The following DEPDC4 variants were observed in gnomAD, a reference collection of about 807,000 sequenced individuals.
The protein encoded by DEPDC4 is DEP domain containing 4, also known as DEP domain-containing protein 4.
DEPDC4 carries 52 observed loss-of-function variants against 52.0 expected under a neutral mutation model. That is an observed-to-expected ratio of 1.00 (90% CI 0.80 to 1.26). The LOEUF is 1.26. DEPDC4 is among the 50% of genes most tolerant of loss of function. DEPDC4 has a pLI of 0.00. For missense variants in DEPDC4, 530 were observed against 546.9 expected, an observed-to-expected ratio of 0.97 and a Z score of 0.31; for synonymous variants, 201 against 196.8, an observed-to-expected ratio of 1.02 and a Z score of -0.18.
At chr12:100,234,947 C>G (rs1433783925) in intron 9 of DEPDC4, among the ~76,000 whole-genome samples, 1 of 152,088 alleles carries the variant, frequency 6.6e-6, no homozygotes, top group Non-Finnish European at 1.5e-5. Flanking sequence ...AAATTAATGC[C>G]TCAGAACCTT....
intron 3 of DEPDC4, among the ~76,000 whole-genome samples, chr12:100,260,900 G>A (rs1038939320): frequency 2.7e-5 from 4 of 150,200 alleles, no homozygotes; most frequent in African/African-American, 9.8e-5. Flanking sequence ...TGTCTCAATG[G>A]CCAGCCAAGG....
In DEPDC4 at chr12:100,263,510, T is replaced by C; in HGVS notation, c.541A>G (p.Asn181Asp). The change falls in exon 2 of 10, where the codon AAT (asparagine) becomes GAT (aspartate). Residue 181 changes from asparagine to aspartate, a missense_variant. Coordinates refer to ENST00000550587, the MANE Select transcript of DEPDC4 (RefSeq NM_001364818.2). ...GGTAACACTAACCTCAAGGTTTCAT[T>C]GAACTCATTCTCAGCATCCTTTTGT... is the stretch of plus-strand genomic sequence containing the variant. ...KRQKDAENEF[N>D]ETLRPGYEMI... The C allele has an allele frequency of 1.9e-6, 3 of 1,586,718 alleles. No individual in the cohort carries two copies. The highest frequency in any genetic ancestry group is 2.6e-6 in the Non-Finnish European group (3 of 1,168,750).
intron 1 of DEPDC4, among the ~76,000 whole-genome samples, chr12:100,265,830 T>G (rs1203344747): frequency 6.6e-6 from 1 of 152,136 alleles, no homozygotes; most frequent in Non-Finnish European, 1.5e-5. Context: ...TGTATGTAAA[T>G]AAATAGAAAG....
In DEPDC4 at chr12:100,263,882, G is replaced by T. The variant is rs1566328944; in HGVS notation, c.169C>A (p.Pro57Thr). ...CRKRRTGCSG[P>T]FQATQLWDGI... The stretch of plus-strand genomic sequence containing the variant: ...TCCCATAGCTGAGTAGCTTGAAAAG[G>T]ACCAGAGCATCCTGAAAAAAATTAA... Residue 57 changes from proline to threonine, a missense_variant, in exon 2 of 10, where the codon CCT (proline) becomes ACT (threonine). Coordinates refer to ENST00000550587, the MANE Select transcript of DEPDC4 (RefSeq NM_001364818.2). The T allele has an allele frequency of 1.3e-6, 2 of 1,592,136 alleles. No homozygotes were observed. Among genetic ancestry groups the T allele is most frequent in the South Asian group, 1.1e-5 (1 of 87,688 alleles).
In DEPDC4 at chr12:100,253,632, A is replaced by G. The variant is rs754716358; in HGVS notation, c.962T>C (p.Met321Thr). 21 of 1,289,640 alleles carry G rather than the reference A, an allele frequency of 1.6e-5. 2 individuals carry two copies. In the South Asian group the frequency reaches 2.2e-4, roughly 14 times the overall value. 79.9% of individuals were successfully genotyped at this position (1,289,640 alleles called of 1,614,324 possible). ...QLIVTVSQQL[M>T]QNRNEETRLN... is the part of the protein sequence containing the mutation. ...TCTTGTCTCTTCATTTCTGTTTTGC[A>G]TTAACTGCTGACTAACTGTAACTAT... Residue 321 changes from methionine (M) to threonine (T), a missense_variant, in exon 5 of 10, where the codon ATG (methionine) becomes ACG (threonine). Coordinates refer to ENST00000550587, the MANE Select transcript of DEPDC4 (RefSeq NM_001364818.2).
chr12:100,258,877 C>G (rs181630543), intron 3 of DEPDC4, among the ~76,000 whole-genome samples: 1 of 152,058 alleles, frequency 6.6e-6, no homozygotes, highest in Admixed American at 6.6e-5. Flanking sequence ...TCGAGACCAG[C>G]CTGACCAACA....
chr12:100,234,025 T>TG (rs1041096789), intron 9 of DEPDC4, among the ~76,000 whole-genome samples: 25 of 152,140 alleles, frequency 1.6e-4, no homozygotes, highest in African/African-American at 6.0e-4. Flanking sequence ...GAGAATCACT[T>TG]GAACCCAGGA....
chr12:100,238,272 A>T (rs1393875875), downstream of DEPDC4, among the ~76,000 whole-genome samples: 3 of 151,234 alleles, frequency 2.0e-5, no homozygotes, highest in African/African-American at 4.9e-5. Context: ...GGTTCAAGCA[A>T]TTCTCCTGCC....
At chr12:100,242,948 C>T (rs1330490388) in intron 8 of DEPDC4, among the ~76,000 whole-genome samples, 1 of 152,182 alleles carries the variant, frequency 6.6e-6, no homozygotes, top group East Asian at 1.9e-4. Flanking sequence ...GTAATTCACC[C>T]TTATTCCCAG....
downstream of DEPDC4, among the ~76,000 whole-genome samples, chr12:100,237,389 G>A (rs550483288): frequency 6.6e-6 from 1 of 152,108 alleles, no homozygotes; most frequent in Admixed American, 6.5e-5. Flanking sequence ...TGTATTTTTA[G>A]TAGAGATGGG....
At chr12:100,255,899 T>C in intron 4 of DEPDC4, 150 bp downstream of exon 4, 1 of 562,528 alleles carries the variant, frequency 1.8e-6, no homozygotes, top group African/African-American at 1.9e-5. Flanking sequence ...ATGGCTTTAT[T>C]AGATCAAATG....
intron 3 of DEPDC4, among the ~76,000 whole-genome samples, chr12:100,259,079 A>ATATAT (rs1407814890): frequency 1.4e-5 from 2 of 139,586 alleles, no homozygotes; most frequent in African/African-American, 5.9e-5. Flanking sequence ...TCAAAAAAAA[A>ATATAT]AAATATATAT....
intron 8 of DEPDC4, among the ~76,000 whole-genome samples, chr12:100,244,100 T>TATATATATAC (rs1304155815): frequency 2.1e-5 from 1 of 48,332 alleles, no homozygotes; most frequent in African/African-American, 1.6e-4. Flanking sequence ...TCTGTGTATA[T>TATATATATAC]ATATATATAT....
chr12:100,263,417 C>A, intron 2 of DEPDC4, 80 bp downstream of exon 2: 1 of 1,163,750 alleles, frequency 8.6e-7, no homozygotes, highest in Non-Finnish European at 1.2e-6. Flanking sequence ...GAAAAAAGTA[C>A]ACATTCGAGT....
chr12:100,280,988 A>G, the DEPDC4 span, among the ~76,000 whole-genome samples: 5,949 of 113,688 alleles, frequency 0.052, 448 homozygotes, highest in African/African-American at 0.18. Flanking sequence ...CTGTATGCTT[A>G]TGTGTATTTT....
At position 100,264,960 on chromosome 12, in the gene DEPDC4, A is replaced by C. The variant is rs187562553; in HGVS notation, c.158-1067T>G. Reference sequence around the variant, plus strand: ...AAATCCCACTTCTCTGGGCAAAAAGAAAAAAAAATTGCTGAGAAATAATGA... The same window carrying C: ...AAATCCCACTTCTCTGGGCAAAAAGCAAAAAAAATTGCTGAGAAATAATGA... On this transcript the variant is annotated intron_variant, in intron 1 of 9. Coordinates refer to ENST00000550587, the MANE Select transcript of DEPDC4 (RefSeq NM_001364818.2). 5.9e-5 allele frequency among the ~76,000 whole-genome samples: 9 copies of C among 151,896 alleles called. No individual in the cohort carries two copies. The East Asian group carries it at 1.7e-3, about 29-fold the overall frequency.
At chr12:100,271,702 G>C (rs765576711), upstream of DEPDC4, among the ~76,000 whole-genome samples, 31 of 152,264 alleles carry the variant, frequency 2.0e-4, no homozygotes, top group Middle Eastern at 3.4e-3. Context: ...ATTACGGTAA[G>C]CCTTTTATTT....
At chr12:100,250,295 A>G (rs904983021) in intron 7 of DEPDC4, among the ~76,000 whole-genome samples, 1 of 152,162 alleles carries the variant, frequency 6.6e-6, no homozygotes, top group African/African-American at 2.4e-5. Flanking sequence ...GGCTCACTGC[A>G]GCCTCCGCCT....
At chr12:100,238,260 C>T (rs151109921), downstream of DEPDC4, 2,343 of 153,584 alleles carry the variant, frequency 0.015, 68 homozygotes, top group African/African-American at 0.054. Context: ...ATCTGCCTCC[C>T]GGGTTCAAGC....
Sources: gnomAD v4.1 joint callset for allele counts (sites outside exome capture counted in the v4.1 genomes callset) on GRCh38, gnomAD v4.1.1 for gene constraint, MANE v1.5 for transcripts, NCBI Gene and HGNC (gene_info 2026-07-23, HGNC 2026-07-21) for gene names.